The following DLGAP3 variants were observed in gnomAD, a reference collection of about 807,000 sequenced individuals.
DLGAP3 encodes disks large-associated protein 3.
In DLGAP3, 17 loss-of-function variants were observed where a neutral mutation model predicts 81.2. That is an observed-to-expected ratio of 0.21 (90% CI 0.14 to 0.31). DLGAP3 has a LOEUF of 0.31. Among genes scored for constraint, DLGAP3 ranks in the 10% least tolerant of loss-of-function variants. The pLI, the probability that DLGAP3 is intolerant of heterozygous loss-of-function variation, is 1.00. For missense variants in DLGAP3, 1,124 were observed against 1,388.0 expected, an observed-to-expected ratio of 0.81 and a Z score of 3.02; for synonymous variants, 577 against 587.4, an observed-to-expected ratio of 0.98 and a Z score of 0.26.
intron 1 of DLGAP3, among the ~76,000 whole-genome samples, chr1:34,918,142 A>C (rs1639744317): frequency 6.6e-6 from 1 of 152,216 alleles, no homozygotes; most frequent in African/African-American, 2.4e-5. Context: ...ACAGACAGAC[A>C]GACAGACAGG....
chr1:34,894,843 G>C (rs1639360368), intron 5 of DLGAP3, among the ~76,000 whole-genome samples: 1 of 152,102 alleles, frequency 6.6e-6, no homozygotes, highest in Non-Finnish European at 1.5e-5. Flanking sequence ...AATAATAATA[G>C]AGACTAATTT....
intron 1 of DLGAP3, among the ~76,000 whole-genome samples, chr1:34,910,869 A>G (rs1639628958): frequency 6.6e-6 from 1 of 152,184 alleles, no homozygotes; most frequent in Admixed American, 6.5e-5. Flanking sequence ...AATTTTATCC[A>G]TCTTATCCAC....
chr1:34,901,452 T>C (rs935454502), intron 3 of DLGAP3, among the ~76,000 whole-genome samples: 8 of 152,158 alleles, frequency 5.3e-5, no homozygotes, highest in African/African-American at 1.7e-4. Context: ...GCTCGGGAAT[T>C]AGAAGATCCA....
Position 34,904,757 on chromosome 1 carries a change from G to A in DLGAP3, c.627C>T (p.Asp209=). 1.2e-6 allele frequency: 2 copies of A among 1,611,410 alleles called. No individual in the cohort carries two copies. The highest frequency in any genetic ancestry group is 1.1e-5 in the South Asian group (1 of 91,078). The change falls in exon 3 of 12, where the codon GAC becomes GAT. Residue 209 remains aspartate, a synonymous_variant. Transcript: ENST00000373347. The surrounding 1 kb of genome is among the most constrained non-coding windows in gnomAD (Gnocchi z 8.1). ...CTCCAGAGCCCGGGCCGGGGTAGCTGTCTCCTCCAGAGCCACCTCTTCCCT... is the reference window on the plus strand; with the variant it reads ...CTCCAGAGCCCGGGCCGGGGTAGCTATCTCCTCCAGAGCCACCTCTTCCCT... ...KAEGRGGSGG[D]SYPGPGSGGP...
intron 1 of DLGAP3, among the ~76,000 whole-genome samples, chr1:34,912,987 G>A (rs770700767): frequency 2.0e-5 from 3 of 152,136 alleles, no homozygotes; most frequent in Non-Finnish European, 4.4e-5. Context: ...CTCTGTAGTT[G>A]GGCTGGTGTC....
intron 8 of DLGAP3, among the ~76,000 whole-genome samples, chr1:34,879,083 A>G (rs1310418918): frequency 1.0e-4 from 15 of 147,498 alleles, no homozygotes; most frequent in African/African-American, 3.7e-4. Context: ...AAAAAAAAAG[A>G]AAAAAAAAAA....
chr1:34,908,632 G>A (rs774945171), intron 1 of DLGAP3, among the ~76,000 whole-genome samples: 9 of 152,166 alleles, frequency 5.9e-5, no homozygotes, highest in South Asian at 2.1e-4. Flanking sequence ...CTTTGCAAGC[G>A]TGATTAATAG....
chr1:34,911,146 A>C (rs1046187856), intron 1 of DLGAP3, among the ~76,000 whole-genome samples: 1 of 151,764 alleles, frequency 6.6e-6, no homozygotes, highest in Non-Finnish European at 1.5e-5. Context: ...GTGTTGGCCG[A>C]TTCCAAAGCC....
In DLGAP3 at chr1:34,885,528, G is replaced by T; in HGVS notation, c.1864C>A (p.Leu622Met). The T allele has an allele frequency of 1.2e-6, 2 of 1,609,082 alleles. No individual in the cohort carries two copies. Residue 622 changes from leucine to methionine, a missense_variant, in exon 7 of 12, where the codon CTG becomes ATG. Physicochemically the swap from Leu to Met is conservative, Grantham distance 15. This residue lies in a region of DLGAP3 where 379 missense variants were observed against 455.7 expected (regional missense o/e 0.83). Transcript: ENST00000373347. ...IIKTIPGREELRSLARQRKWR... is the reference protein window; with the variant it reads ...IIKTIPGREEMRSLARQRKWR... ...TTCCGCTGCCGCGCCAGGCTCCGCA[G>T]CTCCTCCCTGCCAGGGATGGTCTTG...
At position 34,866,182 on chromosome 1, in the gene DLGAP3, G is replaced by A. The variant is rs1288622407; in HGVS notation, c.2841C>T (p.Leu947=). The A allele has an allele frequency of 1.9e-6, 3 of 1,594,852 alleles. No homozygotes were observed. The highest frequency in any genetic ancestry group is 2.7e-5 in the African/African-American group (2 of 74,776). The change falls in exon 12 of 12, where the codon CTC becomes CTT. Residue 947 remains leucine, a synonymous_variant. Transcript: ENST00000373347. ...AGGAAGCGGCGCGCTTGGCCGCCAG[G>A]AGCCGCTTGCGCGCTTCCTGCCGCT... ...DRQRQEARKR[L]LAAKRAASFR... is the part of the protein sequence containing the mutation.
intron 3 of DLGAP3, among the ~76,000 whole-genome samples, chr1:34,901,576 A>T (rs1430660766): frequency 6.6e-6 from 1 of 152,218 alleles, no homozygotes; most frequent in Non-Finnish European, 1.5e-5. Flanking sequence ...TGCCTACATC[A>T]GAGGGTTGGT....
At chr1:34,920,441 A>G (rs1411362905) in intron 1 of DLGAP3, among the ~76,000 whole-genome samples, 1 of 152,180 alleles carries the variant, frequency 6.6e-6, no homozygotes, top group Non-Finnish European at 1.5e-5. Context: ...TGACATACAT[A>G]CCACACATAC....
chr1:34,880,716 G>T (rs568071106), intron 8 of DLGAP3, among the ~76,000 whole-genome samples: 20 of 152,022 alleles, frequency 1.3e-4, no homozygotes, highest in African/African-American at 4.6e-4. Context: ...AATGCAAAGG[G>T]AGATATCAAT....
chr1:34,900,019 C>A lies in DLGAP3; in HGVS notation c.1313+49G>T, dbSNP rs772705154. On this transcript the variant is annotated intron_variant, in intron 4 of 11. Transcript: ENST00000373347. This position sits in a 1 kb window ranked among gnomAD's most constrained non-coding sequence, Gnocchi z 5.6. ...CTCTACACACATCTCCCGCAGGAGT[C>A]CAGCATCAGCCTCCTGACCCCGCAC... 1.3e-6 allele frequency: 2 copies of A among 1,524,646 alleles called. No homozygotes were observed. Among genetic ancestry groups the A allele is most frequent in the South Asian group, 1.1e-5 (1 of 88,492 alleles). The allele number at this position is 1,524,646 out of a possible 1,614,324, so 94.4% of individuals were successfully genotyped here.
chr1:34,902,727 T>C lies in DLGAP3; in HGVS notation c.1107+1550A>G, dbSNP rs1474696814. ...GGCAGGCCAGCAGATGGGAAGGCCATACTGCAGGGTTCCCATTCTAGCCAC... is the reference window on the plus strand; with the variant it reads ...GGCAGGCCAGCAGATGGGAAGGCCACACTGCAGGGTTCCCATTCTAGCCAC... On this transcript the variant is annotated intron_variant, in intron 3 of 11. Coordinates refer to ENST00000373347, the MANE Select transcript of DLGAP3 (RefSeq NM_001080418.3). This position sits in a 1 kb window ranked among gnomAD's most constrained non-coding sequence, Gnocchi z 4.4. Among the ~76,000 whole-genome samples, 1 of 152,066 alleles carries C rather than the reference T, an allele frequency of 6.6e-6. No homozygotes were observed. Among genetic ancestry groups the C allele is most frequent in the Admixed American group, 6.5e-5 (1 of 15,280 alleles).
In DLGAP3 at chr1:34,900,226, C is replaced by T. The variant is rs766435765; in HGVS notation, c.1155G>A (p.Gly385=). 3.1e-6 allele frequency: 5 copies of T among 1,614,012 alleles called. No homozygotes were observed. In the African/African-American group the frequency reaches 6.7e-5, roughly 22 times the overall value. ...TCCGCATCCTGCGGCAGGGGATCTC[C>T]CCATCCTTGCCACCGGTGGGGTAAC... ...WGGYPTGGKD[G]EIPCRRMRSG... is the part of the protein sequence containing the mutation. The change falls in exon 4 of 12, where the codon GGG becomes GGA. Residue 385 remains glycine, a synonymous_variant. Coordinates refer to ENST00000373347, the MANE Select transcript of DLGAP3 (RefSeq NM_001080418.3). This position sits in a 1 kb window ranked among gnomAD's most constrained non-coding sequence, Gnocchi z 5.6.
intron 2 of DLGAP3, among the ~76,000 whole-genome samples, chr1:34,906,951 T>C (rs962595371): frequency 1.3e-5 from 2 of 152,040 alleles, no homozygotes; most frequent in Admixed American, 1.3e-4. Context: ...TGGCAGACGG[T>C]GCCCTCCCTC....
Position 34,885,642 on chromosome 1 carries a change from C to A in DLGAP3, c.1750G>T (p.Gly584Trp), listed in dbSNP as rs758633816. Residue 584 changes from glycine (G) to tryptophan (W), a missense_variant, in exon 7 of 12, where the codon GGG becomes TGG. Physicochemically the swap from Gly to Trp is radical, Grantham distance 184. Around this residue, in one of 9 missense-constraint regions of DLGAP3, gnomAD observed 379 missense variants for 455.7 expected, o/e 0.83. Coordinates refer to ENST00000373347, the MANE Select transcript of DLGAP3 (RefSeq NM_001080418.3). The part of the protein sequence containing the change: ...GPARRCSSAD[G>W]LDGPAMGART... The stretch of plus-strand genomic sequence containing the variant: ...GCACCCATGGCGGGGCCGTCCAGCC[C>A]GTCGGCGGAGCTGCAGCGCCGGGCG... The A allele has an allele frequency of 3.4e-6, 5 of 1,485,032 alleles. No homozygotes were observed. The highest frequency in any genetic ancestry group is 1.3e-5 in the South Asian group (1 of 75,664). The allele number at this position is 1,485,032 out of a possible 1,614,324, so 92.0% of individuals were successfully genotyped here.
chr1:34,920,442 C>A (rs961505279), intron 1 of DLGAP3, among the ~76,000 whole-genome samples: 2 of 152,216 alleles, frequency 1.3e-5, no homozygotes, highest in African/African-American at 2.4e-5. Flanking sequence ...GACATACATA[C>A]CACACATACA....
Sources: gnomAD v4.1 joint callset for allele counts (sites outside exome capture counted in the v4.1 genomes callset) on GRCh38, gnomAD v4.1.1 for gene constraint, gnomAD v4.1.1 regional missense constraint, Gnocchi (gnomAD v3.1) non-coding constraint, MANE v1.5 for transcripts, NCBI Gene and HGNC (gene_info 2026-07-23, HGNC 2026-07-21) for gene names.